The following HIVEP2 variants were observed in gnomAD, a reference collection of about 807,000 sequenced individuals.
The protein encoded by HIVEP2 is transcription factor HIVEP2.
A neutral mutation model predicts 180.7 loss-of-function variants in HIVEP2; 14 were observed. The observed-to-expected ratio is 0.08, with a 90% CI of 0.05 to 0.12. The LOEUF (loss-of-function observed/expected upper bound fraction) is 0.12, where lower values mean the gene tolerates loss of function less well. Among genes scored for constraint, HIVEP2 ranks in the 10% least tolerant of loss-of-function variants. The pLI is 1.00. For missense variants in HIVEP2, 2,579 were observed against 3,008.5 expected, an observed-to-expected ratio of 0.86 and a Z score of 3.34; for synonymous variants, 1,184 against 1,136.4, an observed-to-expected ratio of 1.04 and a Z score of -0.84.
chr6:142,765,096 AC>A, intron 6 of HIVEP2, 122 bp from the exon 7 acceptor site: 1 of 842,762 alleles, frequency 1.2e-6, no homozygotes, highest in Non-Finnish European at 1.8e-6. Flanking sequence ...CAATTATTCA[AC>A]TTTACTTCTA....
At chr6:142,782,185 G>C (rs188630471) in intron 3 of HIVEP2, among the ~76,000 whole-genome samples, 220 of 152,288 alleles carry the variant, frequency 1.4e-3, no homozygotes, top group Non-Finnish European at 2.6e-3. Flanking sequence ...GTCTTTTGTT[G>C]AGGATTTGTG....
chr6:142,822,719 C>T (rs1777071844), intron 2 of HIVEP2, among the ~76,000 whole-genome samples: 1 of 152,150 alleles, frequency 6.6e-6, no homozygotes, highest in Non-Finnish European at 1.5e-5. Context: ...GTCCCTGGCT[C>T]CCTCCACAGA....
At chr6:142,911,071 T>C (rs1383273201) in intron 1 of HIVEP2, among the ~76,000 whole-genome samples, 1 of 130,308 alleles carries the variant, frequency 7.7e-6, no homozygotes, top group African/African-American at 3.0e-5. Context: ...TTCAAGACAA[T>C]AAAGTTTAAA....
chr6:142,834,382 T>C (rs1451630170), intron 2 of HIVEP2, among the ~76,000 whole-genome samples: 1 of 152,190 alleles, frequency 6.6e-6, no homozygotes, highest in Non-Finnish European at 1.5e-5. Context: ...AATAATTGTA[T>C]AATTATCAGC....
intron 1 of HIVEP2, among the ~76,000 whole-genome samples, chr6:142,914,394 T>A (rs1356756721): frequency 6.6e-6 from 1 of 152,216 alleles, no homozygotes; most frequent in Admixed American, 6.5e-5. Context: ...GCCTACTTTA[T>A]AAAGTATCGA....
In HIVEP2 at chr6:142,920,485, G is replaced by T. The variant is rs576904242; in HGVS notation, c.-641+24614C>A. On this transcript the variant is annotated intron_variant, in intron 1 of 9. Transcript: ENST00000367603. ...ACCCCATGATTCTTATTGGATAGCA[G>T]GAGGGAGAACTCATTTGGAAATTCC... is the stretch of plus-strand genomic sequence containing the variant. Among the ~76,000 whole-genome samples the T allele has an allele frequency of 2.6e-5, 4 of 152,264 alleles. No individual in the cohort carries two copies. In the South Asian group the frequency reaches 8.3e-4, roughly 32 times the overall value.
At chr6:142,898,763 C>A (rs982582060) in intron 1 of HIVEP2, among the ~76,000 whole-genome samples, 3 of 152,216 alleles carry the variant, frequency 2.0e-5, no homozygotes, top group Admixed American at 6.5e-5. Context: ...TCACTACCCA[C>A]TTTGTCACCC....
intron 1 of HIVEP2, among the ~76,000 whole-genome samples, chr6:142,905,908 C>T (rs536270002): frequency 2.0e-5 from 3 of 152,118 alleles, no homozygotes; most frequent in African/African-American, 2.4e-5. Context: ...GAGGCGGGGG[C>T]GGACCACTGG....
chr6:142,753,100 T>C lies in HIVEP2; in HGVS notation c.*7A>G, dbSNP rs752458855. 7.2e-6 allele frequency: 11 copies of C among 1,517,990 alleles called. No homozygotes were observed. Among genetic ancestry groups the C allele is most frequent in the South Asian group, 1.1e-5 (1 of 89,142 alleles). The allele number at this position is 1,517,990 out of a possible 1,614,324, so 94.0% of individuals were successfully genotyped here. ...ATGTGGAAATGAAAGTCTCCATGCA[T>C]CATAGATCAATGTAGCTGACTCTTT... On this transcript the variant is annotated 3_prime_UTR_variant, in exon 10 of 10. Coordinates refer to ENST00000367603, the MANE Select transcript of HIVEP2 (RefSeq NM_006734.4).
intron 5 of HIVEP2, 125 bp from the exon 6 acceptor site, chr6:142,768,661 T>C (rs774523219): frequency 5.9e-6 from 5 of 840,482 alleles, no homozygotes; most frequent in Non-Finnish European, 9.3e-6. Flanking sequence ...AGGAACTAGT[T>C]ATATAAAATA....
At chr6:142,941,878 T>G (rs1450686324) in intron 1 of HIVEP2, among the ~76,000 whole-genome samples, 1 of 152,206 alleles carries the variant, frequency 6.6e-6, no homozygotes, top group Non-Finnish European at 1.5e-5. Flanking sequence ...TTTCTCCACC[T>G]ACAGAACTAA....
Position 142,770,273 on chromosome 6 carries a change from C to T in HIVEP2, c.4466G>A (p.Arg1489His), listed in dbSNP as rs747133826. 24 of 1,614,026 alleles carry T rather than the reference C, an allele frequency of 1.5e-5. No homozygotes were observed. The highest frequency in any genetic ancestry group is 1.2e-4 in the South Asian group (11 of 91,086). ...TNSDIKKDLS[R>H]PQKPQLVRQG... is the part of the protein sequence containing the mutation. ...TCGAACCAGCTGGGGTTTCTGGGGG[C>T]GGGAGAGGTCCTTTTTGATGTCTGA... The change falls in exon 5 of 10, where the codon CGC becomes CAC. Residue 1489 changes from arginine to histidine, a missense_variant. Arg to His is a conservative substitution (Grantham distance 29, BLOSUM62 0). This residue lies in a region of HIVEP2 where 349 missense variants were observed against 367.2 expected (regional missense o/e 0.95). Transcript: ENST00000367603. The surrounding 1 kb of genome is among the most constrained non-coding windows in gnomAD (Gnocchi z 4.7).
chr6:142,784,413 T>C (rs1343859535), intron 2 of HIVEP2, among the ~76,000 whole-genome samples: 1 of 152,220 alleles, frequency 6.6e-6, no homozygotes, highest in East Asian at 1.9e-4. Context: ...CAGTACCACT[T>C]CATGTGAACA....
intron 2 of HIVEP2, among the ~76,000 whole-genome samples, chr6:142,820,625 CT>C (rs1179243414): frequency 6.6e-6 from 1 of 152,184 alleles, no homozygotes; most frequent in African/African-American, 2.4e-5. Context: ...CTAAAATTCA[CT>C]TCCGAAATGT....
intron 2 of HIVEP2, among the ~76,000 whole-genome samples, chr6:142,822,700 T>C (rs1473803155): frequency 6.6e-6 from 1 of 152,142 alleles, no homozygotes; most frequent in Non-Finnish European, 1.5e-5. Flanking sequence ...AGATCAATGA[T>C]TGCATTGTGT....
intron 1 of HIVEP2, among the ~76,000 whole-genome samples, chr6:142,846,029 G>C (rs920230396): frequency 2.6e-5 from 4 of 152,240 alleles, no homozygotes; most frequent in Non-Finnish European, 5.9e-5. Flanking sequence ...CTGGCATCCA[G>C]TGTGAGCGAA....
chr6:142,870,275 G>T (rs575399577), intron 1 of HIVEP2, among the ~76,000 whole-genome samples: 2 of 152,130 alleles, frequency 1.3e-5, no homozygotes, highest in Non-Finnish European at 2.9e-5. Context: ...CTTCCTCACC[G>T]CACTCTCACT....
chr6:142,932,920 A>G (rs1777974517), intron 1 of HIVEP2, among the ~76,000 whole-genome samples: 1 of 152,218 alleles, frequency 6.6e-6, no homozygotes. Flanking sequence ...TGACAAACCA[A>G]AACTGAAACA....
At chr6:142,811,661 A>G (rs536334434) in intron 2 of HIVEP2, among the ~76,000 whole-genome samples, 63 of 152,336 alleles carry the variant, frequency 4.1e-4, no homozygotes, top group African/African-American at 1.4e-3. Context: ...TCCTTACATC[A>G]TGGTATGAGA....
Sources: allele counts gnomAD v4.1 joint callset (sites outside exome capture counted in the v4.1 genomes callset), GRCh38; gene constraint gnomAD v4.1.1; regional missense constraint gnomAD v4.1.1; non-coding constraint Gnocchi (gnomAD v3.1); transcripts MANE v1.5; gene names NCBI Gene and HGNC (gene_info 2026-07-23, HGNC 2026-07-21).